The following WWTR1 variants were observed in gnomAD, a reference collection of about 807,000 sequenced individuals.
WWTR1 encodes the protein WW domain-containing transcription regulator protein 1.
Under a neutral mutation model 40.1 loss-of-function variants are expected in WWTR1, and 13 were observed. That is an observed-to-expected ratio of 0.32 (90% CI 0.21 to 0.52). WWTR1 has a LOEUF of 0.52. Among genes scored for constraint, WWTR1 ranks in the 20% least tolerant of loss-of-function variants. The pLI is 0.97. For synonymous variants in WWTR1, 230 were observed against 210.1 expected, an observed-to-expected ratio of 1.09 and a Z score of -0.82; for missense variants, 436 against 523.1, an observed-to-expected ratio of 0.83 and a Z score of 1.63.
chr3:149,523,846 G>A (rs1735170304), intron 6 of WWTR1, among the ~76,000 whole-genome samples: 1 of 152,172 alleles, frequency 6.6e-6, no homozygotes, highest in Non-Finnish European at 1.5e-5. Flanking sequence ...GAAGATGTAT[G>A]TCCAGTTCCT....
At chr3:149,582,656 G>A (rs1305691037) in intron 2 of WWTR1, among the ~76,000 whole-genome samples, 1 of 152,104 alleles carries the variant, frequency 6.6e-6, no homozygotes, top group African/African-American at 2.4e-5. Flanking sequence ...CTTCAGCCTG[G>A]GAGGTCGAGG....
Position 149,568,040 on chromosome 3 carries a change from T to C in WWTR1, c.568+4824A>G, listed in dbSNP as rs564204040. Reference sequence around the variant, plus strand: ...TTTGTTTCCCTCTTATTCTCTTTTTTAAAATTTTAGTAAGTATTAATAGTA... The same window carrying C: ...TTTGTTTCCCTCTTATTCTCTTTTTCAAAATTTTAGTAAGTATTAATAGTA... On this transcript the variant is annotated intron_variant, in intron 3 of 6. Coordinates refer to ENST00000360632, the MANE Select transcript of WWTR1 (RefSeq NM_015472.6). Among the ~76,000 whole-genome samples the C allele has an allele frequency of 9.8e-5, 15 of 152,322 alleles. No homozygotes were observed. The South Asian group carries it at 2.7e-3, about 27-fold the overall frequency.
intron 1 of WWTR1, among the ~76,000 whole-genome samples, chr3:149,691,099 GA>G (rs1714811818): frequency 6.6e-6 from 1 of 151,506 alleles, no homozygotes; most frequent in Non-Finnish European, 1.5e-5. Flanking sequence ...TTTTTTAAAA[GA>G]AAAAATTTCT....
chr3:149,528,765 T>TC (rs1005582829), intron 4 of WWTR1, among the ~76,000 whole-genome samples: 1 of 151,860 alleles, frequency 6.6e-6, no homozygotes, highest in African/African-American at 2.4e-5. Context: ...TGAGACGCTG[T>TC]CTCAAAAAAA....
chr3:149,693,907 G>T (rs1324910435), intron 1 of WWTR1, among the ~76,000 whole-genome samples: 1 of 152,114 alleles, frequency 6.6e-6, no homozygotes, highest in African/African-American at 2.4e-5. Context: ...TATAAGACCT[G>T]AAACTATAAA....
intron 3 of WWTR1, among the ~76,000 whole-genome samples, chr3:149,566,229 T>C (rs1398900907): frequency 1.3e-5 from 2 of 152,104 alleles, no homozygotes; most frequent in African/African-American, 4.8e-5. Context: ...TTTTTTTTAA[T>C]CAAGAAAATC....
chr3:149,657,380 G>A, intron 1 of WWTR1, 71 bp from the exon 2 acceptor site: 1 of 1,474,654 alleles, frequency 6.8e-7, no homozygotes, highest in Non-Finnish European at 9.1e-7. Context: ...TACAGGGTGA[G>A]AGGGCGAGAT....
At chr3:149,590,834 A>G (rs1245023671) in intron 2 of WWTR1, among the ~76,000 whole-genome samples, 1 of 152,150 alleles carries the variant, frequency 6.6e-6, no homozygotes, top group East Asian at 1.9e-4. Flanking sequence ...AAGGAAGGAA[A>G]AGGGGAGGTG....
chr3:149,551,088 G>C (rs145416109), intron 3 of WWTR1, among the ~76,000 whole-genome samples: 13 of 143,892 alleles, frequency 9.0e-5, no homozygotes, highest in African/African-American at 3.5e-4. Context: ...ACCTGAGGTC[G>C]GGAGTTTGAG....
intron 2 of WWTR1, among the ~76,000 whole-genome samples, chr3:149,623,506 T>A (rs1250238118): frequency 1.3e-5 from 2 of 152,238 alleles, no homozygotes; most frequent in African/African-American, 4.8e-5. Context: ...CATGCTATGA[T>A]GCCATTAGCT....
chr3:149,716,796 T>G (rs989582085), intron 5 of WWTR1, among the ~76,000 whole-genome samples: 3 of 152,094 alleles, frequency 2.0e-5, no homozygotes, highest in African/African-American at 4.8e-5. Flanking sequence ...CCAGAAGAAT[T>G]AACAAGTTTA....
intron 2 of WWTR1, among the ~76,000 whole-genome samples, chr3:149,573,975 C>T (rs543293779): frequency 1.3e-5 from 2 of 151,986 alleles, no homozygotes; most frequent in Admixed American, 6.6e-5. Context: ...AGATTCATCC[C>T]GTTCCTCTAC....
chr3:149,540,897 C>T (rs1736065115), intron 4 of WWTR1: 1 of 362,928 alleles, frequency 2.8e-6, no homozygotes, highest in Non-Finnish European at 5.4e-6. Context: ...TTAAACCTCA[C>T]ACAATATAGA....
intron 2 of WWTR1, among the ~76,000 whole-genome samples, chr3:149,581,589 G>T (rs1738154932): frequency 6.6e-6 from 1 of 152,142 alleles, no homozygotes; most frequent in African/African-American, 2.4e-5. Context: ...CAAGACCAGA[G>T]AAGTTATTTC....
At chr3:149,677,983 C>A (rs1714327905) in intron 1 of WWTR1, among the ~76,000 whole-genome samples, 1 of 151,602 alleles carries the variant, frequency 6.6e-6, no homozygotes, top group Non-Finnish European at 1.5e-5. Context: ...GTTGGCCAGG[C>A]TGATCTCGAA....
intron 3 of WWTR1, among the ~76,000 whole-genome samples, chr3:149,571,182 T>C (rs1287256827): frequency 6.6e-6 from 1 of 150,962 alleles, no homozygotes; most frequent in African/African-American, 2.4e-5. Flanking sequence ...GAAAGGGAGA[T>C]TGGAGGAAGT....
chr3:149,585,387 G>A (rs35479069), intron 2 of WWTR1, among the ~76,000 whole-genome samples: 14,186 of 152,002 alleles, frequency 0.093, 864 homozygotes, highest in Non-Finnish European at 0.13. Flanking sequence ...TGCCTGCCTC[G>A]GCCTCCCAAA....
chr3:149,695,898 G>A (rs1356583933), intron 1 of WWTR1, among the ~76,000 whole-genome samples: 1 of 150,752 alleles, frequency 6.6e-6, no homozygotes. Flanking sequence ...GGATCATGAG[G>A]TCAGGAGATT....
At chr3:149,534,041 G>A (rs138842402) in intron 4 of WWTR1, among the ~76,000 whole-genome samples, 1 of 152,290 alleles carries the variant, frequency 6.6e-6, no homozygotes, top group East Asian at 1.9e-4. Context: ...ATGGTGGCAT[G>A]TGCCTGTAGT....
Sources: allele counts gnomAD v4.1 joint callset (sites outside exome capture counted in the v4.1 genomes callset), GRCh38; gene constraint gnomAD v4.1.1; transcripts MANE v1.5; gene names NCBI Gene and HGNC (gene_info 2026-07-23, HGNC 2026-07-21).